EPN1: variants seen among roughly 807,000 people sequenced by gnomAD.
The protein encoded by EPN1 is epsin 1.
A neutral mutation model predicts 56.9 loss-of-function variants in EPN1; 25 were observed. The observed-to-expected ratio is 0.44, with a 90% CI of 0.32 to 0.61. EPN1 has a LOEUF of 0.61. EPN1 is among the 20% of genes least tolerant of loss of function. The pLI is 0.05. For missense variants in EPN1, 785 were observed against 823.7 expected, an observed-to-expected ratio of 0.95 and a Z score of 0.58; for synonymous variants, 411 against 361.8, an observed-to-expected ratio of 1.14 and a Z score of -1.54.
Position 55,708,851 on chromosome 19 carries a change from T to G in EPN1, c.*13495T>G. The G allele has an allele frequency of 7.8e-7, 1 of 1,278,302 alleles. No homozygotes were observed. The highest frequency in any genetic ancestry group is 1.1e-6 in the Non-Finnish European group (1 of 944,056). The allele number at this position is 1,278,302 out of a possible 1,614,324, so 79.2% of individuals were successfully genotyped here. ...GCAATTACAGGATAGAGGTGCCAGG[T>G]GAAGGTCCCACTGTGGCCAAGGAAA... is the stretch of plus-strand genomic sequence containing the variant. On this transcript the variant is annotated 3_prime_UTR_variant, in exon 11 of 11. Transcript: ENST00000270460.
chr19:55,692,281 G>A (rs1035214769), intron 7 of EPN1, among the ~76,000 whole-genome samples: 1 of 151,992 alleles, frequency 6.6e-6, no homozygotes, highest in Non-Finnish European at 1.5e-5. Context: ...GGGAGGGGAT[G>A]GCAGCTCAGC....
chr19:55,694,810 A>G lies in EPN1; in HGVS notation c.1349A>G (p.Glu450Gly). The part of the protein sequence containing the change: ...DMSGVRGSLA[E>G]AVGSPPPAAT... ...AGTGGGGTCAGGGGATCTCTGGCTG[A>G]GGCTGTGGGCAGCCCCCCACCTGCA... Residue 450 changes from glutamate (E) to glycine (G), a missense_variant, in exon 10 of 11, where the codon GAG becomes GGG. This residue lies in a region of EPN1 where 650 missense variants were observed against 605.0 expected (regional missense o/e 1.07). Transcript: ENST00000270460. The surrounding 1 kb of genome is among the most constrained non-coding windows in gnomAD (Gnocchi z 4.2). 6 of 1,610,446 alleles carry G rather than the reference A, an allele frequency of 3.7e-6. No homozygotes were observed. Among genetic ancestry groups the G allele is most frequent in the Non-Finnish European group, 5.1e-6 (6 of 1,178,498 alleles).
intron 1 of EPN1, chr19:55,677,144 C>T (rs1985491128): frequency 6.4e-7 from 1 of 1,551,362 alleles, no homozygotes; most frequent in Admixed American, 2.0e-5. Context: ...TTGAAAATCT[C>T]CCTCTGTGGC....
chr19:55,679,775 C>A (rs1290809149), intron 2 of EPN1, among the ~76,000 whole-genome samples: 2 of 152,138 alleles, frequency 1.3e-5, no homozygotes, highest in Non-Finnish European at 2.9e-5. Context: ...GTTTTCATAC[C>A]CATCCCGACA....
rs1250671987 is a variant in EPN1, at chr19:55,709,114, G to T, written c.*13758G>T. 4 of 1,071,966 alleles carry T rather than the reference G, an allele frequency of 3.7e-6. No individual in the cohort carries two copies. In the African/African-American group the frequency reaches 6.7e-5, roughly 18 times the overall value. 66.4% of individuals were successfully genotyped at this position (1,071,966 alleles called of 1,614,324 possible). On this transcript the variant is annotated 3_prime_UTR_variant, in exon 11 of 11. Transcript: ENST00000270460. ...ACACAGTATTGCCTCTCTACATTCT[G>T]ATGTCTACCTCTCCTCTCCTCTTTA...
At chr19:55,692,191 G>T in intron 7 of EPN1, 134 bp downstream of exon 7, 4 of 779,908 alleles carry the variant, frequency 5.1e-6, no homozygotes, top group Non-Finnish European at 7.5e-6. Context: ...GCAGGGGAGG[G>T]GGCAAGGGCG....
intron 2 of EPN1, among the ~76,000 whole-genome samples, chr19:55,681,426 A>G (rs1985813123): frequency 6.6e-6 from 1 of 152,156 alleles, no homozygotes; most frequent in African/African-American, 2.4e-5. Context: ...CTGCACTGCC[A>G]CCTCACTTCT....
rs1298044849 is a variant in EPN1 at position 55,691,486 on chromosome 19, T to C, written c.763-268T>C. ...GGCTGCCCTGCTGCAGTGTGGAGAATGGATGTGGGGCAGGAGTGGGGCTGT... is the reference window on the plus strand; with the variant it reads ...GGCTGCCCTGCTGCAGTGTGGAGAACGGATGTGGGGCAGGAGTGGGGCTGT... On this transcript the variant is annotated intron_variant, in intron 6 of 10. Coordinates refer to ENST00000270460, the MANE Select transcript of EPN1 (RefSeq NM_001130072.2). This position sits in a 1 kb window ranked among gnomAD's most constrained non-coding sequence, Gnocchi z 5.6. Among the ~76,000 whole-genome samples the C allele has an allele frequency of 7.0e-6, 1 of 143,296 alleles. No individual in the cohort carries two copies. The highest frequency in any genetic ancestry group is 1.5e-5 in the Non-Finnish European group (1 of 65,908). 94.0% of individuals were successfully genotyped at this position (143,296 alleles called of 152,430 possible). A position where few individuals can be genotyped will look rare whatever the true frequency, so the allele number is the denominator to read the frequency against.
intron 3 of EPN1, among the ~76,000 whole-genome samples, chr19:55,687,308 A>G (rs1238933672): frequency 6.6e-6 from 1 of 152,012 alleles, no homozygotes; most frequent in African/African-American, 2.4e-5. Flanking sequence ...GGATGGGGGC[A>G]GCTAGGGAGT....
intron 1 of EPN1, chr19:55,677,271 T>A: frequency 1.9e-6 from 2 of 1,025,698 alleles, no homozygotes; most frequent in African/African-American, 1.6e-5. Flanking sequence ...TTCCACCCTG[T>A]GAGGTGGCTA....
At position 55,708,811 on chromosome 19, in the gene EPN1, C is replaced by T. The variant is rs1987557886; in HGVS notation, c.*13455C>T. The T allele has an allele frequency of 2.6e-6, 2 of 768,880 alleles. No homozygotes were observed. The highest frequency in any genetic ancestry group is 4.1e-6 in the Non-Finnish European group (2 of 492,428). 47.6% of individuals were successfully genotyped at this position (768,880 alleles called of 1,614,324 possible). The stretch of plus-strand genomic sequence containing the variant: ...AGGGAGTACCTCTGAAATCACAGCC[C>T]TGCTGCCATGATGTGCAATTACAGG... On this transcript the variant is annotated 3_prime_UTR_variant, in exon 11 of 11. Coordinates refer to ENST00000270460, the MANE Select transcript of EPN1 (RefSeq NM_001130072.2).
intron 3 of EPN1, 35 bp downstream of exon 3, chr19:55,685,680 G>A: frequency 6.4e-7 from 1 of 1,565,722 alleles, no homozygotes; most frequent in African/African-American, 1.4e-5. Flanking sequence ...ACGGCCTAGA[G>A]TCTGTCCTCC....
Position 55,692,734 on chromosome 19 carries a change from C to G in EPN1, c.1115C>G (p.Ala372Gly), listed in dbSNP as rs765938087. 4 of 1,572,722 alleles carry G rather than the reference C, an allele frequency of 2.5e-6. No homozygotes were observed. In the South Asian group the frequency reaches 3.5e-5, roughly 14 times the overall value. Residue 372 changes from alanine to glycine, a missense_variant, in exon 8 of 11, where the codon GCC becomes GGC. By Grantham distance (60) the Ala-to-Gly change is moderately conservative (BLOSUM62 0). Around this residue, in one of 2 missense-constraint regions of EPN1, gnomAD observed 650 missense variants for 605.0 expected, o/e 1.07. Transcript: ENST00000270460. The stretch of plus-strand genomic sequence containing the variant: ...TCAGCCTCCGATCCCTGGACACCGG[C>G]CCCGGCCTTCTCAGATCCCTGGGGA... The part of the protein sequence containing the change: ...GPSASDPWTP[A>G]PAFSDPWGGS...
rs907156167 is a variant in EPN1 at position 55,705,957 on chromosome 19, C to CAAAATA, written c.*10603_*10608dup. The CAAAATA allele has an allele frequency of 1.9e-5, 3 of 156,388 alleles. No homozygotes were observed. The highest frequency in any genetic ancestry group is 7.2e-5 in the African/African-American group (3 of 41,382). The allele number at this position is 156,388 out of a possible 1,614,324, so 9.7% of individuals were successfully genotyped here. A position where few individuals can be genotyped will look rare whatever the true frequency, so the allele number is the denominator to read the frequency against. ...TTTTCAGTGAGTATAAAGTGTAAGA[C>CAAAATA]AAAATAAGTCTTAGTTCAGGTATGC... On this transcript the variant is annotated 3_prime_UTR_variant, in exon 11 of 11. Coordinates refer to ENST00000270460, the MANE Select transcript of EPN1 (RefSeq NM_001130072.2).
chr19:55,677,075 C>T, intron 1 of EPN1: 2 of 1,526,740 alleles, frequency 1.3e-6, no homozygotes, highest in Non-Finnish European at 1.8e-6. Flanking sequence ...GAGGTGGAAG[C>T]AGAGGCCAGC....
chr19:55,693,259 T>G, intron 9 of EPN1: 1 of 545,364 alleles, frequency 1.8e-6, no homozygotes, highest in South Asian at 2.4e-5. Context: ...AACTGAGAAT[T>G]GTTCTCAAGG....
chr19:55,698,398 G>A lies in EPN1; in HGVS notation c.*3042G>A, dbSNP rs889962455. 6.6e-6 allele frequency: 1 copy of A among 152,194 alleles called. No homozygotes were observed. The highest frequency in any genetic ancestry group is 6.5e-5 in the Admixed American group (1 of 15,282). 9.4% of individuals were successfully genotyped at this position (152,194 alleles called of 1,614,324 possible). A position where few individuals can be genotyped will look rare whatever the true frequency, so the allele number is the denominator to read the frequency against. On this transcript the variant is annotated 3_prime_UTR_variant, in exon 11 of 11. Transcript: ENST00000270460. ...CATTCCTGGGTCTCGACTCTGTTCA[G>A]GGCCTAGGGGTTGGGTGGGGAAGGC...
rs1411283617 is a variant in EPN1, at chr19:55,689,307, G to A, written c.614G>A (p.Cys205Tyr). 1 of 1,550,642 alleles carries A rather than the reference G, an allele frequency of 6.4e-7. No homozygotes were observed. The highest frequency in any genetic ancestry group is 8.7e-7 in the Non-Finnish European group (1 of 1,146,422). Residue 205 changes from cysteine to tyrosine, a missense_variant, in exon 5 of 11, where the codon TGC becomes TAC. Transcript: ENST00000270460. The surrounding 1 kb of genome is among the most constrained non-coding windows in gnomAD (Gnocchi z 5.7). ...CTCTCTCTCCCCCAGCCCCCGTCCT[G>A]CGGCCCCGAGGACGACGCCCAGCTC... ...SKEEADQPPSCGPEDDAQLQL... is the reference protein window; with the variant it reads ...SKEEADQPPSYGPEDDAQLQL...
In EPN1 at chr19:55,689,113, C is replaced by G. The variant is rs1052730046; in HGVS notation, c.603+119C>G. 1.0e-5 allele frequency: 14 copies of G among 1,370,222 alleles called. No individual in the cohort carries two copies. Among genetic ancestry groups the G allele is most frequent in the Non-Finnish European group, 1.3e-5 (13 of 1,024,578 alleles). 84.9% of individuals were successfully genotyped at this position (1,370,222 alleles called of 1,614,324 possible). On this transcript the variant is annotated intron_variant, in intron 4 of 10. Transcript: ENST00000270460. This position sits in a 1 kb window ranked among gnomAD's most constrained non-coding sequence, Gnocchi z 5.7. ...TGTCGCTGCTCCACATGCTGTCACT[C>G]GTCTCCTCCCCAGTCCTGCCTCATC...
Sources: allele counts gnomAD v4.1 joint callset (sites outside exome capture counted in the v4.1 genomes callset), GRCh38; gene constraint gnomAD v4.1.1; regional missense constraint gnomAD v4.1.1; non-coding constraint Gnocchi (gnomAD v3.1); transcripts MANE v1.5; gene names NCBI Gene and HGNC (gene_info 2026-07-23, HGNC 2026-07-21).